Variants in GRID2 observed in about 807,000 individuals in gnomAD.
GRID2 encodes glutamate receptor ionotropic, delta-2.
GRID2 carries 33 observed loss-of-function variants against 114.8 expected under a neutral mutation model. The observed-to-expected ratio is 0.29, with a 90% CI of 0.22 to 0.38. The LOEUF (loss-of-function observed/expected upper bound fraction) is 0.38. Among genes scored for constraint, GRID2 ranks in the 10% least tolerant of loss-of-function variants. GRID2 has a pLI of 1.00. For missense variants in GRID2, 1,184 were observed against 1,257.7 expected (o/e 0.94, Z 0.89); for synonymous variants, 505 against 449.9 (o/e 1.12, Z -1.55).
chr4:93,378,105 T>C (rs558995863), intron 8 of GRID2, among the ~76,000 whole-genome samples: 33 of 152,252 alleles, frequency 2.2e-4, no homozygotes, highest in Non-Finnish European at 4.0e-4. Context: ...CCAAAAATGA[T>C]AGTTACAATG....
At position 93,620,141 on chromosome 4, in the gene GRID2, G is replaced by A. The variant is rs191883699; in HGVS notation, c.2194-6128G>A. ...AGAACAAATAAATGTGTATGTAAAT[G>A]GCATTTTTAGCAGTTGAAACATGTT... On this transcript the variant is annotated intron_variant, in intron 13 of 15. Coordinates refer to ENST00000282020, the MANE Select transcript of GRID2 (RefSeq NM_001510.4). Among the ~76,000 whole-genome samples the A allele has an allele frequency of 3.1e-3, 468 of 152,232 alleles. 3 individuals carry two copies. Among genetic ancestry groups the A allele is most frequent in the South Asian group, 8.1e-3 (39 of 4,824 alleles).
At chr4:93,317,384 C>T (rs1199002341) in intron 8 of GRID2, among the ~76,000 whole-genome samples, 1 of 151,778 alleles carries the variant, frequency 6.6e-6, no homozygotes, top group Admixed American at 6.6e-5. Context: ...TCATGCTCTG[C>T]CACTGATAAT....
At chr4:92,314,804 A>C (rs1232768526) in intron 1 of GRID2, among the ~76,000 whole-genome samples, 2 of 152,178 alleles carry the variant, frequency 1.3e-5, no homozygotes, top group African/African-American at 4.8e-5. Flanking sequence ...TCTGAAAACC[A>C]AAACACTTCA....
At chr4:92,991,643 G>A (rs1754911787) in intron 2 of GRID2, among the ~76,000 whole-genome samples, 1 of 152,174 alleles carries the variant, frequency 6.6e-6, no homozygotes, top group Admixed American at 6.5e-5. Context: ...GCTTTTCTGA[G>A]ATCTGCTACA....
At chr4:92,743,926 C>A (rs1304729600) in intron 2 of GRID2, among the ~76,000 whole-genome samples, 5 of 152,100 alleles carry the variant, frequency 3.3e-5, no homozygotes, top group African/African-American at 1.2e-4. Flanking sequence ...CAGAGGAATT[C>A]AGGTTTCTTA....
chr4:93,693,139 A>G lies in GRID2; in HGVS notation c.2360+66704A>G, dbSNP rs190593984. Among the ~76,000 whole-genome samples, 657 of 152,312 alleles carry G rather than the reference A, an allele frequency of 4.3e-3. 3 individuals carry two copies. Among genetic ancestry groups the G allele is most frequent in the Non-Finnish European group, 6.9e-3 (472 of 68,014 alleles). On this transcript the variant is annotated intron_variant, in intron 14 of 15. Coordinates refer to ENST00000282020, the MANE Select transcript of GRID2 (RefSeq NM_001510.4). ...TCTATTTGCTAAAGGTTGATTTTGC[A>G]TTAACAAGAAATTATAAAAGTAAAG...
intron 4 of GRID2, chr4:93,111,881 A>G (rs920870152): frequency 1.3e-5 from 2 of 152,060 alleles, no homozygotes; most frequent in Non-Finnish European, 2.9e-5. Context: ...ATCAAAAAAC[A>G]TAAGGCAGAA....
intron 1 of GRID2, among the ~76,000 whole-genome samples, chr4:92,346,400 T>A (rs1727765578): frequency 6.6e-6 from 1 of 152,228 alleles, no homozygotes; most frequent in Non-Finnish European, 1.5e-5. Flanking sequence ...GGTCTTGCTC[T>A]GTTGCCCAGG....
intron 10 of GRID2, among the ~76,000 whole-genome samples, chr4:93,430,741 G>A (rs1479965111): frequency 1.3e-5 from 2 of 152,216 alleles, no homozygotes; most frequent in Admixed American, 1.3e-4. Flanking sequence ...TGCACTAGGT[G>A]CAATGATAGA....
At chr4:92,641,994 G>A (rs982181284) in intron 2 of GRID2, among the ~76,000 whole-genome samples, 2 of 151,136 alleles carry the variant, frequency 1.3e-5, no homozygotes, top group Non-Finnish European at 3.0e-5. Flanking sequence ...AGTATTAGAT[G>A]TTGTATATGT....
intron 1 of GRID2, among the ~76,000 whole-genome samples, chr4:92,553,696 G>T (rs990797851): frequency 1.3e-5 from 2 of 151,678 alleles, no homozygotes; most frequent in Non-Finnish European, 2.9e-5. Flanking sequence ...CTGTCGCCCA[G>T]GCTGGAGTGC....
chr4:93,292,887 G>T (rs766752805), intron 8 of GRID2, among the ~76,000 whole-genome samples: 1 of 152,138 alleles, frequency 6.6e-6, no homozygotes, highest in Non-Finnish European at 1.5e-5. Context: ...AATACAGTAA[G>T]CCCCAGTAAA....
intron 1 of GRID2, among the ~76,000 whole-genome samples, chr4:92,508,540 TA>T (rs1395297772): frequency 2.0e-5 from 3 of 151,612 alleles, no homozygotes; most frequent in Non-Finnish European, 4.4e-5. Context: ...CTGTACAATA[TA>T]AAGGAGCAAA....
chr4:93,355,197 A>G (rs1020647322), intron 8 of GRID2, among the ~76,000 whole-genome samples: 7 of 151,710 alleles, frequency 4.6e-5, no homozygotes, highest in African/African-American at 1.2e-4. Flanking sequence ...AACCACCCCA[A>G]CACTTGGTGG....
chr4:93,010,856 GTTGT>G (rs1722060465), intron 2 of GRID2, among the ~76,000 whole-genome samples: 2 of 152,114 alleles, frequency 1.3e-5, no homozygotes, highest in East Asian at 1.9e-4. Context: ...TTTCTGTTGT[GTTGT>G]TTGAGTTTTC....
chr4:92,552,064 A>T (rs1467404122), intron 1 of GRID2, among the ~76,000 whole-genome samples: 1 of 152,086 alleles, frequency 6.6e-6, no homozygotes, highest in African/African-American at 2.4e-5. Context: ...GAGGTGACTG[A>T]TACATTCAAG....
chr4:92,534,846 G>T (rs1220564115), intron 1 of GRID2, among the ~76,000 whole-genome samples: 1 of 152,076 alleles, frequency 6.6e-6, no homozygotes, highest in African/African-American at 2.4e-5. Context: ...ATATTTCAAT[G>T]AAAGTAGCCT....
intron 1 of GRID2, among the ~76,000 whole-genome samples, chr4:92,448,094 A>G (rs2149075614): frequency 6.6e-6 from 1 of 152,220 alleles, no homozygotes; most frequent in East Asian, 1.9e-4. Context: ...ATGCTTGGGT[A>G]AAGCTTTTCT....
chr4:93,392,995 C>T (rs1347561543), intron 8 of GRID2, among the ~76,000 whole-genome samples: 2 of 151,912 alleles, frequency 1.3e-5, no homozygotes, highest in African/African-American at 2.4e-5. Flanking sequence ...ATGGCTGACA[C>T]ATAGAAAGTA....
Sources: gnomAD v4.1 joint callset for allele counts (sites outside exome capture counted in the v4.1 genomes callset) on GRCh38, gnomAD v4.1.1 for gene constraint, MANE v1.5 for transcripts, NCBI Gene and HGNC (gene_info 2026-07-23, HGNC 2026-07-21) for gene names.